ARMC9: variants seen among roughly 807,000 people sequenced by gnomAD.
ARMC9 encodes the protein lisH domain-containing protein ARMC9.
A neutral mutation model predicts 107.0 loss-of-function variants in ARMC9; 94 were observed. The observed-to-expected ratio is 0.88, with a 90% CI of 0.74 to 1.04. The LOEUF is 1.04. ARMC9 is among the 50% of genes least tolerant of loss of function. The pLI is 0.00. For synonymous variants in ARMC9, 380 were observed against 396.9 expected (o/e 0.96, Z 0.51); for missense variants, 942 against 1,030.1 (o/e 0.91, Z 1.17).
At chr2:231,314,190 C>G (rs1466575641) in intron 19 of ARMC9, among the ~76,000 whole-genome samples, 1 of 152,022 alleles carries the variant, frequency 6.6e-6, no homozygotes, top group Non-Finnish European at 1.5e-5. Context: ...AGTGATTCTC[C>G]TGCCTCACCC....
chr2:231,251,106 G>A (rs1320517463), intron 9 of ARMC9, among the ~76,000 whole-genome samples: 1 of 152,114 alleles, frequency 6.6e-6, no homozygotes, highest in East Asian at 1.9e-4. Context: ...GAATCAGTAG[G>A]ACCTGATACT....
chr2:231,368,074 A>T (rs1202066342), intron 23 of ARMC9, among the ~76,000 whole-genome samples: 1 of 152,174 alleles, frequency 6.6e-6, no homozygotes, highest in Non-Finnish European at 1.5e-5. Flanking sequence ...ATTTGAACCA[A>T]ATAATTTTAA....
At position 231,355,909 on chromosome 2, in the gene ARMC9, C is replaced by T. The variant is rs1426048716; in HGVS notation, c.2106C>T (p.Thr702=). The T allele has an allele frequency of 6.5e-6, 10 of 1,536,042 alleles. No individual in the cohort carries two copies. The South Asian group carries it at 1.2e-4, about 18-fold the overall frequency. Residue 702 remains threonine, a synonymous_variant, in exon 22 of 25, where the codon ACC becomes ACT. Coordinates refer to ENST00000611582, the MANE Select transcript of ARMC9 (RefSeq NM_001352754.2). ...TCTACAGGGAGGGCAAGCCCAGCAC[C>T]CCGGAGTCCTGCGTCTCCTCTTCAT... ...EAVYREGKPS[T]PESCVSSSSA...
At chr2:231,273,126 A>G (rs1293512206) in intron 14 of ARMC9, 48 bp downstream of exon 14, 10 of 1,576,676 alleles carry the variant, frequency 6.3e-6, no homozygotes, top group Non-Finnish European at 8.6e-6. Context: ...GATCAGATTG[A>G]GTTAAAATTC....
At chr2:231,306,942 C>T (rs991416098) in intron 19 of ARMC9, among the ~76,000 whole-genome samples, 138 of 152,256 alleles carry the variant, frequency 9.1e-4, no homozygotes, top group African/African-American at 2.8e-3. Context: ...GGCCTTAGCA[C>T]GGATGTGGAG....
intron 3 of ARMC9, among the ~76,000 whole-genome samples, chr2:231,213,157 G>A (rs1034609831): frequency 3.5e-5 from 5 of 143,066 alleles, no homozygotes; most frequent in Admixed American, 6.9e-5. Context: ...ATCTGTAAAC[G>A]TTTTTTCTTT....
chr2:231,325,826 G>A (rs1411978886), intron 19 of ARMC9, among the ~76,000 whole-genome samples: 2 of 152,156 alleles, frequency 1.3e-5, no homozygotes, highest in Non-Finnish European at 1.5e-5. Flanking sequence ...TCAGGACAGC[G>A]GGTCTGCTAG....
chr2:231,279,023 ACT>A (rs1288902509), intron 16 of ARMC9, among the ~76,000 whole-genome samples: 1 of 151,618 alleles, frequency 6.6e-6, no homozygotes, highest in Non-Finnish European at 1.5e-5. Flanking sequence ...AGTGCCATCC[ACT>A]CTCTGTTGCC....
chr2:231,364,572 G>A (rs548424765), intron 23 of ARMC9, among the ~76,000 whole-genome samples: 3 of 152,236 alleles, frequency 2.0e-5, no homozygotes, highest in East Asian at 1.9e-4. Context: ...CGAGGCGGGC[G>A]GATCACCTGA....
Position 231,255,804 on chromosome 2 carries a change from G to A in ARMC9, c.880-782G>A, listed in dbSNP as rs903921166. ...TGTAATCCCAACACTTTGGGAGGCC[G>A]AGGTGGGCGGATCACGAGGTCAGGA... On this transcript the variant is annotated intron_variant, in intron 9 of 24. Transcript: ENST00000611582. The surrounding 1 kb of genome is among the most constrained non-coding windows in gnomAD (Gnocchi z 4.7). Among the ~76,000 whole-genome samples, 1 of 152,194 alleles carries A rather than the reference G, an allele frequency of 6.6e-6. No homozygotes were observed. Among genetic ancestry groups the A allele is most frequent in the Non-Finnish European group, 1.5e-5 (1 of 68,038 alleles).
Position 231,369,995 on chromosome 2 carries a change from C to T in ARMC9, c.2304C>T (p.Cys768=), listed in dbSNP as rs1243585566. Residue 768 remains cysteine, a synonymous_variant, in exon 24 of 25, where the codon TGC becomes TGT. Transcript: ENST00000611582. ...TCACCTGCAAGCCCCGGGCCCCCTG[C>T]ACTCCAGAGATGCTGGACTGGAACC... The part of the protein sequence containing the change: ...SAFTCKPRAP[C]TPEMLDWNPP... The T allele has an allele frequency of 2.6e-6, 4 of 1,533,318 alleles. No individual in the cohort carries two copies. Among genetic ancestry groups the T allele is most frequent in the South Asian group, 1.2e-5 (1 of 83,774 alleles). The allele number at this position is 1,533,318 out of a possible 1,614,324, so 95.0% of individuals were successfully genotyped here.
chr2:231,285,054 C>T (rs1382839829), intron 17 of ARMC9, among the ~76,000 whole-genome samples: 5 of 151,702 alleles, frequency 3.3e-5, no homozygotes, highest in East Asian at 1.9e-4. Flanking sequence ...AAAAATTAGC[C>T]GCGTGTGGTG....
chr2:231,322,997 C>T (rs1406215417), intron 19 of ARMC9, among the ~76,000 whole-genome samples: 1 of 152,190 alleles, frequency 6.6e-6, no homozygotes, highest in Non-Finnish European at 1.5e-5. Flanking sequence ...CACCCAGCAC[C>T]TTGCCAGGCT....
At chr2:231,291,831 C>G (rs1333783671) in intron 18 of ARMC9, among the ~76,000 whole-genome samples, 1 of 146,438 alleles carries the variant, frequency 6.8e-6, no homozygotes, top group Non-Finnish European at 1.5e-5. Context: ...AAAAAAGAGG[C>G]CTTTAGGAAG....
chr2:231,300,239 C>G (rs2125491312), intron 19 of ARMC9, among the ~76,000 whole-genome samples: 1 of 152,328 alleles, frequency 6.6e-6, no homozygotes, highest in South Asian at 2.1e-4. Flanking sequence ...TGGACATTTA[C>G]TTGCTGGTTG....
chr2:231,311,943 C>T (rs182846461), intron 19 of ARMC9, among the ~76,000 whole-genome samples: 127 of 152,208 alleles, frequency 8.3e-4, no homozygotes, highest in African/African-American at 2.8e-3. Context: ...CACCCACCCC[C>T]TCAAGTTCTT....
intron 5 of ARMC9, among the ~76,000 whole-genome samples, chr2:231,219,891 C>T (rs955555624): frequency 1.3e-5 from 2 of 152,064 alleles, no homozygotes; most frequent in African/African-American, 2.4e-5. Context: ...GGCTGGAGTG[C>T]ATGATTATAG....
At chr2:231,265,339 C>T (rs1559373141) in intron 12 of ARMC9, among the ~76,000 whole-genome samples, 1 of 152,086 alleles carries the variant, frequency 6.6e-6, no homozygotes, top group Admixed American at 6.6e-5. Flanking sequence ...AGATTTGGAA[C>T]CAACCTAAGT....
At chr2:231,247,044 C>T (rs940621991) in intron 9 of ARMC9, among the ~76,000 whole-genome samples, 2 of 152,034 alleles carry the variant, frequency 1.3e-5, no homozygotes, top group African/African-American at 4.8e-5. Flanking sequence ...CCAGCTCCGC[C>T]TCCCGGGTTC....
Sources: gnomAD v4.1 joint callset for allele counts (sites outside exome capture counted in the v4.1 genomes callset) on GRCh38, gnomAD v4.1.1 for gene constraint, Gnocchi (gnomAD v3.1) non-coding constraint, MANE v1.5 for transcripts, NCBI Gene and HGNC (gene_info 2026-07-23, HGNC 2026-07-21) for gene names.